The following MSRA variants were observed in gnomAD, a reference collection of about 807,000 sequenced individuals.
The protein encoded by MSRA is mitochondrial peptide methionine sulfoxide reductase.
MSRA carries 54 observed loss-of-function variants against 31.3 expected under a neutral mutation model. That is an observed-to-expected ratio of 1.73 (90% confidence interval 1.39 to 2.17). The LOEUF (loss-of-function observed/expected upper bound fraction) is 2.17, where lower values mean the gene tolerates loss of function less well. Among genes scored for constraint, MSRA ranks in the 30% most tolerant of loss-of-function variants. The pLI, the probability that MSRA is intolerant of heterozygous loss-of-function variation, is 0.00. For synonymous variants in MSRA, 169 were observed against 116.5 expected (o/e 1.45, Z -2.90); for missense variants, 507 against 300.9 (o/e 1.69, Z -5.07).
At chr8:10,249,968 A>T (rs1797832437) in intron 3 of MSRA, among the ~76,000 whole-genome samples, 1 of 152,218 alleles carries the variant, frequency 6.6e-6, no homozygotes, top group African/African-American at 2.4e-5. Context: ...CATGTAAAGC[A>T]TTGCACCAGG....
intron 3 of MSRA, among the ~76,000 whole-genome samples, chr8:10,272,403 G>A (rs976072180): frequency 6.6e-6 from 1 of 152,154 alleles, no homozygotes; most frequent in South Asian, 2.1e-4. Flanking sequence ...TTTAGTTAGA[G>A]TTCAAAGGCA....
At chr8:10,177,983 A>G (rs1317869971) in intron 1 of MSRA, among the ~76,000 whole-genome samples, 2 of 152,252 alleles carry the variant, frequency 1.3e-5, no homozygotes, top group Non-Finnish European at 2.9e-5. Context: ...GAACCTGTTC[A>G]TCTCACTGTG....
At chr8:10,269,273 TTCATTGTAAC>T (rs1355159701) in intron 3 of MSRA, among the ~76,000 whole-genome samples, 2 of 152,246 alleles carry the variant, frequency 1.3e-5, no homozygotes, top group Admixed American at 6.5e-5. Context: ...TTTAAGTGGT[TTCATTGTAAC>T]TCATCCCTTT....
intron 1 of MSRA, among the ~76,000 whole-genome samples, chr8:10,153,384 T>G (rs544143178): frequency 6.6e-6 from 1 of 152,262 alleles, no homozygotes; most frequent in East Asian, 1.9e-4. Context: ...CCCTCTCACG[T>G]GCCTGCTGTA....
At chr8:10,409,620 A>G (rs1808034262) in intron 5 of MSRA, among the ~76,000 whole-genome samples, 1 of 152,242 alleles carries the variant, frequency 6.6e-6, no homozygotes, top group South Asian at 2.1e-4. Flanking sequence ...GCATGTGTAG[A>G]GCATGCAGGG....
At chr8:10,158,090 G>A (rs1475893199) in intron 1 of MSRA, among the ~76,000 whole-genome samples, 1 of 152,160 alleles carries the variant, frequency 6.6e-6, no homozygotes, top group Non-Finnish European at 1.5e-5. Flanking sequence ...CCTTCTTACG[G>A]TGTCCTCACA....
intron 3 of MSRA, among the ~76,000 whole-genome samples, chr8:10,291,556 G>A (rs944997481): frequency 1.2e-4 from 18 of 151,796 alleles, no homozygotes; most frequent in Admixed American, 9.2e-4. Flanking sequence ...TTTTCTATCC[G>A]CAGGAGCTGG....
chr8:10,321,126 C>CT (rs1179860138), intron 5 of MSRA, among the ~76,000 whole-genome samples: 3 of 152,058 alleles, frequency 2.0e-5, no homozygotes, highest in Admixed American at 2.0e-4. Flanking sequence ...GTTGTGTACC[C>CT]TTTTTTAAAA....
intron 5 of MSRA, among the ~76,000 whole-genome samples, chr8:10,330,532 C>T (rs566059862): frequency 6.6e-6 from 1 of 152,176 alleles, no homozygotes; most frequent in Non-Finnish European, 1.5e-5. Context: ...TAATTATGTA[C>T]AGATTCATTG....
chr8:10,101,223 A>G (rs1044263695), intron 1 of MSRA, among the ~76,000 whole-genome samples: 5 of 152,200 alleles, frequency 3.3e-5, no homozygotes, highest in Admixed American at 6.5e-5. Context: ...CAGAACAGGG[A>G]TCATGGTATT....
intron 3 of MSRA, among the ~76,000 whole-genome samples, chr8:10,251,519 T>G (rs981613130): frequency 6.6e-6 from 1 of 152,198 alleles, no homozygotes; most frequent in African/African-American, 2.4e-5. Context: ...TGATCGCTTT[T>G]TATTCCTCTT....
intron 3 of MSRA, among the ~76,000 whole-genome samples, chr8:10,288,499 T>G (rs982249240): frequency 6.6e-6 from 1 of 152,172 alleles, no homozygotes; most frequent in African/African-American, 2.4e-5. Context: ...AGTTGCTTGT[T>G]GTGTTGGCAT....
At chr8:10,108,815 T>C (rs147721652) in intron 1 of MSRA, among the ~76,000 whole-genome samples, 106 of 152,192 alleles carry the variant, frequency 7.0e-4, no homozygotes, top group African/African-American at 2.4e-3. Context: ...AATTTTTTTT[T>C]TTTAGTTCTC....
intron 5 of MSRA, chr8:10,353,787 C>G (rs1019760722): frequency 1.1e-5 from 4 of 357,330 alleles, no homozygotes; most frequent in South Asian, 8.8e-5. Context: ...TTTTGAATCT[C>G]ACACAAGACA....
chr8:10,081,247 G>A (rs932833856), intron 1 of MSRA, among the ~76,000 whole-genome samples: 2 of 152,192 alleles, frequency 1.3e-5, no homozygotes, highest in African/African-American at 4.8e-5. Flanking sequence ...GAGGCTGCTG[G>A]TGTTCCTTTG....
chr8:10,092,581 C>A (rs1021213492), intron 1 of MSRA, among the ~76,000 whole-genome samples: 3 of 152,008 alleles, frequency 2.0e-5, no homozygotes, highest in African/African-American at 7.3e-5. Flanking sequence ...TCGCTTGAAT[C>A]CAGGAAGTGG....
intron 1 of MSRA, among the ~76,000 whole-genome samples, chr8:10,188,462 T>G (rs1440582517): frequency 6.6e-6 from 1 of 152,206 alleles, no homozygotes; most frequent in East Asian, 1.9e-4. Context: ...GTATTTAGTT[T>G]TCAGTTGATT....
At chr8:10,108,482 C>T (rs560069803) in intron 1 of MSRA, among the ~76,000 whole-genome samples, 1 of 152,312 alleles carries the variant, frequency 6.6e-6, no homozygotes, top group South Asian at 2.1e-4. Flanking sequence ...CTGCTGGTTC[C>T]TCTCTTCCAC....
At chr8:10,296,188 C>A (rs991264587) in intron 3 of MSRA, among the ~76,000 whole-genome samples, 1 of 152,056 alleles carries the variant, frequency 6.6e-6, no homozygotes, top group African/African-American at 2.4e-5. Context: ...ACTGAGACTT[C>A]TAGAATGAAT....
Sources: allele counts gnomAD v4.1 joint callset (sites outside exome capture counted in the v4.1 genomes callset), GRCh38; gene constraint gnomAD v4.1.1; transcripts MANE v1.5; gene names NCBI Gene and HGNC (gene_info 2026-07-23, HGNC 2026-07-21).